Variants in RIPK1 observed in about 807,000 individuals in gnomAD.
RIPK1 encodes receptor-interacting serine/threonine-protein kinase 1.
A neutral mutation model predicts 62.4 loss-of-function variants in RIPK1; 27 were observed. That is an observed-to-expected ratio of 0.43 (90% CI 0.32 to 0.60). The LOEUF is 0.60. RIPK1 is among the 20% of genes least tolerant of loss of function. RIPK1 has a pLI of 0.07. For missense variants in RIPK1, 735 were observed against 831.0 expected (o/e 0.88, Z 1.42); for synonymous variants, 287 against 303.2 (o/e 0.95, Z 0.55).
At chr6:3,107,774 A>C (rs547864208) in intron 9 of RIPK1, among the ~76,000 whole-genome samples, 12 of 152,126 alleles carry the variant, frequency 7.9e-5, no homozygotes, top group Middle Eastern at 3.4e-3. Context: ...ACACCCGTTT[A>C]GTGCCAGAAA....
At position 3,083,281 on chromosome 6, in the gene RIPK1, GGGCGATATTT is replaced by G; in HGVS notation, c.658_667del (p.Ala220GlnfsTer15). The stretch of plus-strand genomic sequence containing the variant: ...GTGTACAGCTTTGCTGTAGTACTCT[GGGCGATATTT>G]GCAAATAAGGAGCCATATGAAAGTA... On this transcript the variant is annotated frameshift_variant, in exon 5 of 11. Coordinates refer to ENST00000259808, the MANE Select transcript of RIPK1 (RefSeq NM_001354930.2). LOFTEE classifies it high-confidence loss of function. The G allele has an allele frequency of 6.2e-7, 1 of 1,613,498 alleles. No homozygotes were observed. The highest frequency in any genetic ancestry group is 8.5e-7 in the Non-Finnish European group (1 of 1,179,968).
chr6:3,087,850 T>TA (rs1419448348), intron 6 of RIPK1, among the ~76,000 whole-genome samples: 4 of 152,356 alleles, frequency 2.6e-5, no homozygotes, highest in African/African-American at 9.6e-5. Context: ...CCGAGCTTTT[T>TA]ATTATGTTTT....
At chr6:3,094,902 A>C (rs1395940844) in intron 7 of RIPK1, among the ~76,000 whole-genome samples, 1 of 152,078 alleles carries the variant, frequency 6.6e-6, no homozygotes, top group African/African-American at 2.4e-5. Context: ...TCTCTAAAAA[A>C]ATAAAATAAA....
chr6:3,067,820 A>G (rs1758452274), upstream of RIPK1, among the ~76,000 whole-genome samples: 2 of 151,236 alleles, frequency 1.3e-5, no homozygotes, highest in Admixed American at 1.3e-4. Context: ...TCGGCTCACT[A>G]CAATCTCCAC....
At chr6:3,110,992 T>C (rs1346573996) in intron 10 of RIPK1, 37 bp downstream of exon 10, 1 of 1,478,120 alleles carries the variant, frequency 6.8e-7, no homozygotes, top group East Asian at 2.4e-5. Flanking sequence ...CCTAGCAACC[T>C]TGAACTTTCT....
At position 3,068,644 on chromosome 6, in the gene RIPK1, G is replaced by A; in HGVS notation, c.-78G>A. On this transcript the variant is annotated 5_prime_UTR_variant, in exon 1 of 11. Transcript: ENST00000259808. ...CGGCAGGACTTGGCTGGACGGCGCG[G>A]CCACGGAGAAGGGCGCGGTGAGCGG... The A allele has an allele frequency of 1.0e-6, 1 of 985,360 alleles. No individual in the cohort carries two copies. The highest frequency in any genetic ancestry group is 1.2e-6 in the Non-Finnish European group (1 of 829,938). 61.0% of individuals were successfully genotyped at this position (985,360 alleles called of 1,614,324 possible).
At chr6:3,073,049 CA>C (rs747890480) in intron 1 of RIPK1, among the ~76,000 whole-genome samples, 32 of 152,064 alleles carry the variant, frequency 2.1e-4, no homozygotes, top group Non-Finnish European at 4.4e-4. Context: ...GCGGCTGGGC[CA>C]ACCATAGCTA....
upstream of RIPK1, among the ~76,000 whole-genome samples, chr6:3,066,534 T>C (rs1030560306): frequency 1.1e-4 from 16 of 152,180 alleles, no homozygotes; most frequent in African/African-American, 3.6e-4. Flanking sequence ...TTGATATGTG[T>C]ACATCTTTTA....
At chr6:3,067,554 C>T (rs9405606), upstream of RIPK1, among the ~76,000 whole-genome samples, 119,190 of 152,020 alleles carry the variant, frequency 0.78, 47,089 homozygotes, top group Non-Finnish European at 0.84. Flanking sequence ...TTTTGCCCGC[C>T]TTTAATCAAG....
chr6:3,068,472 A>C, upstream of RIPK1: 1 of 985,012 alleles, frequency 1.0e-6, no homozygotes, highest in Non-Finnish European at 1.2e-6. Flanking sequence ...GGGCCGGGGC[A>C]GGGGGAGGAG....
chr6:3,107,562 CAAA>C (rs60843872), intron 9 of RIPK1, among the ~76,000 whole-genome samples: 14 of 46,298 alleles, frequency 3.0e-4, no homozygotes, highest in Admixed American at 4.8e-4. Flanking sequence ...GAGACTGTCG[CAAA>C]AAAAAAAAAA....
At position 3,081,111 on chromosome 6, in the gene RIPK1, A is replaced by G; in HGVS notation, c.454A>G (p.Ile152Val). The G allele has an allele frequency of 1.2e-6, 2 of 1,613,708 alleles. No homozygotes were observed. The highest frequency in any genetic ancestry group is 1.7e-6 in the Non-Finnish European group (2 of 1,179,872). Residue 152 changes from isoleucine (I) to valine (V), a missense_variant, in exon 4 of 11, where the codon ATT becomes GTT. By Grantham distance (29) the Ile-to-Val change is conservative. Around this residue, in one of 2 missense-constraint regions of RIPK1, gnomAD observed 671 missense variants for 726.2 expected, o/e 0.92. Coordinates refer to ENST00000259808, the MANE Select transcript of RIPK1 (RefSeq NM_001354930.2). ...TATCCTTGTTGATAATGACTTCCAC[A>G]TTAAGGTAAACCATCATCGGTAGGC... is the stretch of plus-strand genomic sequence containing the variant. ...ENILVDNDFH[I>V]KIADLGLASF...
chr6:3,111,511 C>CTT (rs563970364), intron 10 of RIPK1, among the ~76,000 whole-genome samples: 5 of 136,740 alleles, frequency 3.7e-5, no homozygotes, highest in Admixed American at 7.3e-5. Flanking sequence ...GGGATTGGCG[C>CTT]TTTTTTTTTT....
chr6:3,111,040 T>C (rs1271440655), intron 10 of RIPK1, 85 bp downstream of exon 10: 1 of 926,632 alleles, frequency 1.1e-6, no homozygotes, highest in East Asian at 2.9e-5. Context: ...TTAAAATTTC[T>C]CTGATAATTC....
At chr6:3,075,342 A>C (rs764355873) in intron 1 of RIPK1, among the ~76,000 whole-genome samples, 4 of 152,334 alleles carry the variant, frequency 2.6e-5, no homozygotes, top group Non-Finnish European at 4.4e-5. Context: ...GAAGAAAAGA[A>C]GGGAGGAAGG....
intron 5 of RIPK1, 112 bp downstream of exon 5, chr6:3,083,425 G>A (rs1759524059): frequency 6.3e-6 from 5 of 799,672 alleles, no homozygotes; most frequent in Non-Finnish European, 1.0e-5. Flanking sequence ...ATCCCATTTA[G>A]GAATCAGTGA....
At chr6:3,080,943 C>CT (rs753923912) in intron 3 of RIPK1, 36 bp from the exon 4 acceptor site, 26 of 1,603,928 alleles carry the variant, frequency 1.6e-5, no homozygotes, top group Non-Finnish European at 2.1e-5. Flanking sequence ...ATTTGATAAC[C>CT]TTTCCATTTC....
chr6:3,074,325 C>G (rs1047678275), intron 1 of RIPK1, among the ~76,000 whole-genome samples: 2 of 152,186 alleles, frequency 1.3e-5, no homozygotes, highest in African/African-American at 4.8e-5. Context: ...TTTCACTTAT[C>G]ACGTTTTTGC....
chr6:3,074,387 C>T (rs1561746064), intron 1 of RIPK1, among the ~76,000 whole-genome samples: 1 of 152,210 alleles, frequency 6.6e-6, no homozygotes, highest in Non-Finnish European at 1.5e-5. Flanking sequence ...ATTTTTATTG[C>T]TGAGTAGTAT....
Sources: gnomAD v4.1 joint callset for allele counts (sites outside exome capture counted in the v4.1 genomes callset) on GRCh38, gnomAD v4.1.1 for gene constraint, gnomAD v4.1.1 regional missense constraint, MANE v1.5 for transcripts, NCBI Gene and HGNC (gene_info 2026-07-23, HGNC 2026-07-21) for gene names.